CFAP299: variants seen among roughly 807,000 people sequenced by gnomAD.
The protein encoded by CFAP299 is cilia- and flagella-associated protein 299.
CFAP299 carries 21 observed loss-of-function variants against 27.0 expected under a neutral mutation model. The observed-to-expected ratio is 0.78, with a 90% CI of 0.55 to 1.12. The LOEUF (loss-of-function observed/expected upper bound fraction) is 1.12. CFAP299 is among the 50% of genes most tolerant of loss of function. CFAP299 has a pLI of 0.00. For synonymous variants in CFAP299, 104 were observed against 98.1 expected (o/e 1.06, Z -0.36); for missense variants, 310 against 276.6 (o/e 1.12, Z -0.86).
At position 80,670,798 on chromosome 4, in the gene CFAP299, T is replaced by C. The variant is rs557080632; in HGVS notation, c.333+87615T>C. ...TGCATAAATGTCTTCTTTTGAGAAG[T>C]GTCTGTTCCTATCCTTTGCCCACTT... On this transcript the variant is annotated intron_variant, in intron 3 of 5. Transcript: ENST00000358105. Among the ~76,000 whole-genome samples, 348 of 152,364 alleles carry C rather than the reference T, an allele frequency of 2.3e-3. 1 individual carries two copies. Among genetic ancestry groups the C allele is most frequent in the Non-Finnish European group, 4.1e-3 (280 of 68,032 alleles).
At chr4:80,525,676 G>A (rs868501628) in intron 2 of CFAP299, among the ~76,000 whole-genome samples, 21 of 152,202 alleles carry the variant, frequency 1.4e-4, no homozygotes, top group African/African-American at 4.1e-4. Context: ...CTATCTCAGC[G>A]CCAGCCATCT....
intron 3 of CFAP299, among the ~76,000 whole-genome samples, chr4:80,795,997 A>G (rs893216512): frequency 1.3e-5 from 2 of 152,160 alleles, no homozygotes; most frequent in African/African-American, 4.8e-5. Context: ...TGGGTAATAT[A>G]GACCAAGTGA....
At chr4:80,419,331 G>A (rs1393519431) in intron 2 of CFAP299, among the ~76,000 whole-genome samples, 2 of 152,128 alleles carry the variant, frequency 1.3e-5, no homozygotes, top group Non-Finnish European at 2.9e-5. Context: ...GTTCACATGC[G>A]CAGTGGCCTG....
At chr4:80,909,871 G>C (rs947559785) in intron 4 of CFAP299, among the ~76,000 whole-genome samples, 2 of 151,880 alleles carry the variant, frequency 1.3e-5, no homozygotes, top group African/African-American at 4.8e-5. Context: ...CATTTTTAAT[G>C]GTTAAATTTA....
chr4:80,588,919 A>C (rs1339482690), intron 3 of CFAP299, among the ~76,000 whole-genome samples: 4 of 152,182 alleles, frequency 2.6e-5, no homozygotes, highest in African/African-American at 9.7e-5. Flanking sequence ...TGAGGCACGA[A>C]GAGGTTGAAC....
At chr4:80,732,471 GA>G (rs1357569969) in intron 3 of CFAP299, among the ~76,000 whole-genome samples, 3 of 151,964 alleles carry the variant, frequency 2.0e-5, no homozygotes, top group Non-Finnish European at 4.4e-5. Context: ...CATCTACTTA[GA>G]AAAAAACAGC....
chr4:80,897,550 A>G (rs973081763), intron 4 of CFAP299, among the ~76,000 whole-genome samples: 1 of 152,214 alleles, frequency 6.6e-6, no homozygotes, highest in Non-Finnish European at 1.5e-5. Flanking sequence ...TTTAGCTTTC[A>G]TAATAACTCT....
chr4:80,729,632 C>G (rs1723379739), intron 3 of CFAP299, among the ~76,000 whole-genome samples: 1 of 126,468 alleles, frequency 7.9e-6, no homozygotes, highest in Non-Finnish European at 1.6e-5. Flanking sequence ...CGGAGTCTCG[C>G]TCTGTCTCCC....
chr4:80,587,857 G>A (rs1736528178), intron 3 of CFAP299, among the ~76,000 whole-genome samples: 3 of 144,190 alleles, frequency 2.1e-5, no homozygotes, highest in African/African-American at 8.8e-5. Flanking sequence ...CTCCCAAAGT[G>A]CAGGCTACTG....
chr4:80,916,296 T>TATATATATATA (rs1578236267), intron 4 of CFAP299, among the ~76,000 whole-genome samples: 355 of 130,480 alleles, frequency 2.7e-3, no homozygotes, highest in Non-Finnish European at 3.8e-3. Context: ...TATATATATA[T>TATATATATATA]TTCAGGTACA....
intron 2 of CFAP299, among the ~76,000 whole-genome samples, chr4:80,558,354 G>GTTTTTTTTTTTT (rs1159652533): frequency 7.9e-5 from 10 of 126,420 alleles, no homozygotes; most frequent in African/African-American, 2.3e-4. Flanking sequence ...TTGTTTGTTT[G>GTTTTTTTTTTTT]TTTGTTTGTT....
intron 4 of CFAP299, among the ~76,000 whole-genome samples, chr4:80,921,981 G>C (rs1736069441): frequency 6.6e-6 from 1 of 151,960 alleles, no homozygotes; most frequent in South Asian, 2.1e-4. Context: ...AGAAAATTCA[G>C]GGTTCAGGGG....
At chr4:80,567,943 T>TGG (rs1735391959) in intron 2 of CFAP299, among the ~76,000 whole-genome samples, 1 of 151,764 alleles carries the variant, frequency 6.6e-6, no homozygotes, top group African/African-American at 2.4e-5. Context: ...AAATGTAATA[T>TGG]GCATTATTAA....
intron 4 of CFAP299, among the ~76,000 whole-genome samples, chr4:80,903,333 G>A (rs879596512): frequency 1.1e-4 from 17 of 151,920 alleles, no homozygotes; most frequent in Non-Finnish European, 2.5e-4. Flanking sequence ...AAGGATAAAG[G>A]GAAAGGTTTA....
intron 3 of CFAP299, among the ~76,000 whole-genome samples, chr4:80,769,211 G>A (rs1726066346): frequency 6.6e-6 from 1 of 152,114 alleles, no homozygotes; most frequent in South Asian, 2.1e-4. Context: ...TTTGAGCTTA[G>A]TAAGAATTGT....
intron 2 of CFAP299, among the ~76,000 whole-genome samples, chr4:80,462,192 A>G (rs753056603): frequency 2.0e-5 from 3 of 152,134 alleles, no homozygotes; most frequent in African/African-American, 4.8e-5. Context: ...TATTTTCAAC[A>G]TCTTCCTTTT....
intron 3 of CFAP299, among the ~76,000 whole-genome samples, chr4:80,598,238 T>C (rs1479073364): frequency 6.6e-6 from 1 of 152,184 alleles, no homozygotes; most frequent in Non-Finnish European, 1.5e-5. Context: ...CATCCCCAAA[T>C]AGACTTAGTT....
chr4:80,668,920 A>C (rs898038469), intron 3 of CFAP299, among the ~76,000 whole-genome samples: 1 of 151,946 alleles, frequency 6.6e-6, no homozygotes, highest in Non-Finnish European at 1.5e-5. Flanking sequence ...TTGTCATTTT[A>C]ACAATATTAA....
intron 3 of CFAP299, among the ~76,000 whole-genome samples, chr4:80,858,245 G>T (rs1015117679): frequency 2.0e-5 from 3 of 151,996 alleles, no homozygotes; most frequent in Non-Finnish European, 4.4e-5. Flanking sequence ...TGTGGGATCG[G>T]TGGTGATATC....
Sources: allele counts gnomAD v4.1 joint callset (sites outside exome capture counted in the v4.1 genomes callset), GRCh38; gene constraint gnomAD v4.1.1; transcripts MANE v1.5; gene names NCBI Gene and HGNC (gene_info 2026-07-23, HGNC 2026-07-21).